Variants in PTPRT observed in about 807,000 individuals in gnomAD.
The protein encoded by PTPRT is protein tyrosine phosphatase receptor type T.
PTPRT carries 56 observed loss-of-function variants against 176.8 expected under a neutral mutation model. That is an observed-to-expected ratio of 0.32 (90% confidence interval 0.26 to 0.40). The LOEUF (loss-of-function observed/expected upper bound fraction) is 0.40, where lower values mean the gene tolerates loss of function less well. Ranked by LOEUF, PTPRT falls within the 10% of genes least tolerant of loss-of-function variation. The pLI is 1.00. For synonymous variants in PTPRT, 783 were observed against 739.0 expected, an observed-to-expected ratio of 1.06 and a Z score of -0.96; for missense variants, 1,540 against 1,908.2, an observed-to-expected ratio of 0.81 and a Z score of 3.60.
At position 42,636,064 on chromosome 20, in the gene PTPRT, C is replaced by T. The variant is rs531042865; in HGVS notation, c.1153+41802G>A. 3.3e-3 allele frequency among the ~76,000 whole-genome samples: 496 copies of T among 152,018 alleles called. 3 individuals are homozygous for T. Among genetic ancestry groups the T allele is most frequent in the African/African-American group, 0.011 (469 of 41,460 alleles). On this transcript the variant is annotated intron_variant, in intron 7 of 30. Coordinates refer to ENST00000373187, the MANE Select transcript of PTPRT (RefSeq NM_007050.6). ...TACTTATGAAATTAATAGAGTTGAC[C>T]GACAATTTGAATAATATTAGGCTAC...
At chr20:43,075,364 G>A (rs990691013) in intron 1 of PTPRT, among the ~76,000 whole-genome samples, 1 of 152,264 alleles carries the variant, frequency 6.6e-6, no homozygotes, top group African/African-American at 2.4e-5. Context: ...ACACCCAGCC[G>A]TCGAGAGCTC....
intron 2 of PTPRT, among the ~76,000 whole-genome samples, chr20:42,810,209 G>A (rs776638696): frequency 3.3e-5 from 5 of 152,202 alleles, no homozygotes; most frequent in African/African-American, 7.2e-5. Flanking sequence ...CAGAAGAATC[G>A]CTTGAACCCA....
intron 9 of PTPRT, among the ~76,000 whole-genome samples, chr20:42,444,429 C>T (rs189466202): frequency 5.9e-5 from 9 of 152,288 alleles, no homozygotes; most frequent in South Asian, 2.1e-4. Context: ...GGACTGAAGA[C>T]TGGAGACAGA....
At chr20:42,190,355 C>A (rs951042235) in intron 16 of PTPRT, among the ~76,000 whole-genome samples, 1 of 152,154 alleles carries the variant, frequency 6.6e-6, no homozygotes, top group African/African-American at 2.4e-5. Flanking sequence ...ATCAAAGATA[C>A]GGTTGAGATT....
At chr20:42,667,564 C>G (rs181174169) in intron 7 of PTPRT, among the ~76,000 whole-genome samples, 1 of 152,260 alleles carries the variant, frequency 6.6e-6, no homozygotes, top group East Asian at 1.9e-4. Flanking sequence ...TTGATAAACA[C>G]TGTTAGCTTT....
intron 15 of PTPRT, among the ~76,000 whole-genome samples, chr20:42,201,730 CAAAAAAA>C (rs57007206): frequency 1.4e-5 from 1 of 74,054 alleles, no homozygotes; most frequent in African/African-American, 5.4e-5. Flanking sequence ...GAACCAGAGG[CAAAAAAA>C]AAAAAAAAAA....
intron 6 of PTPRT, among the ~76,000 whole-genome samples, chr20:42,684,399 T>C (rs1228542679): frequency 6.6e-6 from 1 of 151,728 alleles, no homozygotes; most frequent in Non-Finnish European, 1.5e-5. Flanking sequence ...CAGTGGTCAA[T>C]AAATATCTGA....
rs558276328 is a variant in PTPRT, at chr20:42,812,525, C to T, written c.215-21059G>A. On this transcript the variant is annotated intron_variant, in intron 2 of 30. Transcript: ENST00000373187. ...TAACAATTTTTGGGAGGATATGGAG[C>T]AACTGGAATCCTTATACACTGCTGG... Among the ~76,000 whole-genome samples the T allele has an allele frequency of 7.2e-5, 11 of 152,208 alleles. No homozygotes were observed. The South Asian group carries it at 2.1e-3, about 29-fold the overall frequency.
At chr20:43,104,323 G>A (rs1041415733) in intron 1 of PTPRT, among the ~76,000 whole-genome samples, 4 of 151,208 alleles carry the variant, frequency 2.6e-5, no homozygotes, top group South Asian at 2.1e-4. Context: ...TCTGCTTCCC[G>A]AACCCCCAGT....
chr20:42,489,020 G>A (rs917533869), intron 7 of PTPRT, among the ~76,000 whole-genome samples: 3 of 101,356 alleles, frequency 3.0e-5, no homozygotes, highest in Non-Finnish European at 5.1e-5. Context: ...GTGTGTGTGT[G>A]TGTGTGTGTG....
chr20:42,536,591 C>T (rs1289650846), intron 7 of PTPRT, among the ~76,000 whole-genome samples: 1 of 152,140 alleles, frequency 6.6e-6, no homozygotes, highest in Non-Finnish European at 1.5e-5. Context: ...ACTGATTACA[C>T]ATCTCTAAAA....
At position 42,760,380 on chromosome 20, in the gene PTPRT, CTT is replaced by C. The variant is rs754362528; in HGVS notation, c.685-3746_685-3745del. Reference sequence around the variant, plus strand: ...TTCTGGCAGTCTGTTTCTAAATCTGCTTTTTTTTTTTTTTTTTTTTTTTTTTT... The same window carrying C: ...TTCTGGCAGTCTGTTTCTAAATCTGCTTTTTTTTTTTTTTTTTTTTTTTTT... On this transcript the variant is annotated intron_variant, in intron 5 of 30. Transcript: ENST00000373187. Among the ~76,000 whole-genome samples, 738 of 94,158 alleles carry C rather than the reference CTT, an allele frequency of 7.8e-3. 11 individuals carry two copies. The highest frequency in any genetic ancestry group is 0.029 in the African/African-American group (668 of 23,208). The allele number at this position is 94,158 out of a possible 152,430, so 61.8% of individuals were successfully genotyped here. A position where few individuals can be genotyped will look rare whatever the true frequency, so the allele number is the denominator to read the frequency against.
intron 1 of PTPRT, among the ~76,000 whole-genome samples, chr20:43,041,490 C>T (rs1021454581): frequency 6.6e-6 from 1 of 152,228 alleles, no homozygotes; most frequent in Non-Finnish European, 1.5e-5. Context: ...AGGGACAAGT[C>T]CGCCCTGTCT....
chr20:42,455,611 A>G (rs567755159), intron 8 of PTPRT, among the ~76,000 whole-genome samples: 6 of 152,288 alleles, frequency 3.9e-5, no homozygotes, highest in Middle Eastern at 3.4e-3. Flanking sequence ...TTCATTTACA[A>G]CTGTGTTACT....
intron 1 of PTPRT, among the ~76,000 whole-genome samples, chr20:42,952,424 G>A (rs1162981025): frequency 2.0e-5 from 3 of 152,212 alleles, no homozygotes; most frequent in Non-Finnish European, 4.4e-5. Context: ...AAGCAAAACA[G>A]TGCAGGAACA....
intron 7 of PTPRT, among the ~76,000 whole-genome samples, chr20:42,513,403 T>C (rs1490574663): frequency 6.6e-6 from 1 of 152,184 alleles, no homozygotes; most frequent in Non-Finnish European, 1.5e-5. Flanking sequence ...ACTTCTTAAT[T>C]CACACAGATT....
intron 15 of PTPRT, among the ~76,000 whole-genome samples, chr20:42,209,728 A>G (rs959057768): frequency 6.6e-5 from 10 of 152,164 alleles, no homozygotes; most frequent in Non-Finnish European, 1.5e-4. Context: ...ACAAGGAGGA[A>G]CTGGTACCAT....
At chr20:43,017,488 G>A (rs1183448784) in intron 1 of PTPRT, among the ~76,000 whole-genome samples, 2 of 152,084 alleles carry the variant, frequency 1.3e-5, no homozygotes, top group African/African-American at 4.8e-5. Context: ...TCCCTGTTAT[G>A]TCTGTCTGTC....
At chr20:43,122,920 C>T (rs1600727956) in intron 1 of PTPRT, among the ~76,000 whole-genome samples, 1 of 152,276 alleles carries the variant, frequency 6.6e-6, no homozygotes, top group Non-Finnish European at 1.5e-5. Context: ...ATGGTGCAAT[C>T]TCGGCTCACT....
Sources: gnomAD v4.1 joint callset for allele counts (sites outside exome capture counted in the v4.1 genomes callset) on GRCh38, gnomAD v4.1.1 for gene constraint, MANE v1.5 for transcripts, NCBI Gene and HGNC (gene_info 2026-07-23, HGNC 2026-07-21) for gene names.